Variants in NPIPB2 observed in about 807,000 individuals in gnomAD.
NPIPB2 encodes nuclear pore complex interacting protein family member B2.
NPIPB2 carries 27 observed loss-of-function variants against 30.8 expected under a neutral mutation model. The observed-to-expected ratio is 0.88, with a 90% CI of 0.65 to 1.21. The LOEUF (loss-of-function observed/expected upper bound fraction) is 1.21. Among genes scored for constraint, NPIPB2 ranks in the 50% most tolerant of loss-of-function variants. The pLI is 0.00. For missense variants in NPIPB2, 440 were observed against 446.2 expected (o/e 0.99, Z 0.13); for synonymous variants, 147 against 162.0 (o/e 0.91, Z 0.70).
At chr16:11,945,637 CA>C (rs1038964219), upstream of NPIPB2, among the ~76,000 whole-genome samples, 197 of 151,918 alleles carry the variant, frequency 1.3e-3, no homozygotes, top group African/African-American at 4.6e-3. Flanking sequence ...GAAATCGTGC[CA>C]GTGCAATCCA....
intron 1 of NPIPB2, among the ~76,000 whole-genome samples, chr16:11,948,850 G>A (rs191466166): frequency 6.6e-5 from 10 of 151,622 alleles, no homozygotes; most frequent in East Asian, 3.9e-4. Flanking sequence ...GAAAAAGGCA[G>A]TGATTTGTTG....
At chr16:11,939,139 C>T (rs964433629) in intron 1 of NPIPB2, among the ~76,000 whole-genome samples, 13 of 151,550 alleles carry the variant, frequency 8.6e-5, no homozygotes, top group Non-Finnish European at 1.6e-4. Context: ...TAAAAGAATC[C>T]CTCTAAATAA....
chr16:11,933,822 T>A lies in NPIPB2; in HGVS notation c.292+3A>T. On this transcript the variant is annotated splice_donor_region_variant and intron_variant, in intron 3 of 7. Transcript: ENST00000399147. ...CACTATGGGGACTCCAACAGAGCCA[T>A]ACCTTCCTGTCTACGGCGGTTGGAC... The A allele has an allele frequency of 3.8e-6, 6 of 1,588,878 alleles. No individual in the cohort carries two copies. Among genetic ancestry groups the A allele is most frequent in the Non-Finnish European group, 5.1e-6 (6 of 1,171,810 alleles).
At chr16:11,953,001 T>G (rs1383536713) in intron 1 of NPIPB2, among the ~76,000 whole-genome samples, 1 of 152,164 alleles carries the variant, frequency 6.6e-6, no homozygotes, top group East Asian at 1.9e-4. Flanking sequence ...CCCTGTGGAT[T>G]CTCAAGGTCA....
At chr16:11,968,279 C>A in intron 1 of NPIPB2, among the ~76,000 whole-genome samples, 1 of 152,100 alleles carries the variant, frequency 6.6e-6, no homozygotes, top group East Asian at 1.9e-4. Context: ...GAATTTGAGA[C>A]CAGCCTGGCC....
intron 1 of NPIPB2, chr16:11,967,768 C>T (rs755751031): frequency 5.6e-6 from 9 of 1,614,048 alleles, no homozygotes; most frequent in East Asian, 2.2e-5. Context: ...CTTGTCACCA[C>T]GAAAACGAAT....
chr16:11,942,204 A>G (rs912092568), upstream of NPIPB2: 1 of 769,066 alleles, frequency 1.3e-6, no homozygotes, highest in African/African-American at 1.8e-5. Flanking sequence ...GTTCCAGCAA[A>G]TCTCAATATA....
At chr16:11,930,493 C>T (rs1332842347) in exon 5 of NPIPB2, 4 of 1,585,630 alleles carry the variant, frequency 2.5e-6, no homozygotes, top group Non-Finnish European at 3.4e-6. Context: ...CCATTTTCCT[C>T]TGCCTCTGAC....
chr16:11,933,492 A>G lies in NPIPB2; in HGVS notation c.488+25T>C, dbSNP rs754083427. On this transcript the variant is annotated intron_variant, in intron 4 of 7. Transcript: ENST00000399147. ...TGATTGGCACATGGTTCATACAACA[A>G]TATTTGTGTCAAGGCACATCTTACT... 44 of 1,596,508 alleles carry G rather than the reference A, an allele frequency of 2.8e-5. No individual in the cohort carries two copies. In the South Asian group the frequency reaches 3.3e-4, roughly 12 times the overall value.
At chr16:11,948,315 C>T (rs113290872) in intron 1 of NPIPB2, among the ~76,000 whole-genome samples, 1 of 151,992 alleles carries the variant, frequency 6.6e-6, no homozygotes, top group South Asian at 2.1e-4. Flanking sequence ...CAATGGCTGC[C>T]GATACCACAA....
intron 1 of NPIPB2, chr16:11,976,531 G>C: frequency 2.8e-6 from 1 of 350,978 alleles, no homozygotes. Flanking sequence ...TGGGCACTTG[G>C]GGACAGCGAC....
intron 1 of NPIPB2, chr16:11,967,014 ATTT>A (rs2055199659): frequency 5.3e-6 from 1 of 189,634 alleles, no homozygotes; most frequent in South Asian, 9.3e-5. Context: ...TTATTTATTT[ATTT>A]AGAGATGGAG....
At chr16:11,927,551 T>C in exon 8 of NPIPB2, 2 of 1,604,894 alleles carry the variant, frequency 1.2e-6, no homozygotes, top group Non-Finnish European at 1.7e-6. Flanking sequence ...TCTCCACCTC[T>C]TGGGTTTGGG....
upstream of NPIPB2, among the ~76,000 whole-genome samples, chr16:11,946,385 CAAAAAA>C (rs34318693): frequency 1.4e-5 from 1 of 70,104 alleles, no homozygotes; most frequent in Admixed American, 1.9e-4. Flanking sequence ...AACTCTATCT[CAAAAAA>C]AAAAAAAAAA....
rs2054822922 is a variant in NPIPB2, at chr16:11,933,650, C to G, written c.355G>C (p.Gly119Arg). The G allele has an allele frequency of 1.9e-6, 3 of 1,596,758 alleles. No individual in the cohort carries two copies. In the Admixed American group the frequency reaches 5.0e-5, roughly 27 times the overall value. Residue 119 changes from glycine (G) to arginine (R), a missense_variant, in exon 4 of 8, where the codon GGC (glycine) becomes CGC (arginine). Gly to Arg is a moderately radical substitution (Grantham distance 125). Around this residue, in one of 3 missense-constraint regions of NPIPB2, gnomAD observed 252 missense variants for 233.0 expected, o/e 1.08. Transcript: ENST00000399147. ...CGTAGAGTAATGACGTCTTTCAGGC[C>G]AATTTTATTTCCTGGAAAGGAAGAA...
chr16:11,957,705 G>T (rs1393489601), intron 1 of NPIPB2, among the ~76,000 whole-genome samples: 1 of 152,138 alleles, frequency 6.6e-6, no homozygotes. Flanking sequence ...GAAAAAGAAG[G>T]AATTCAGCCT....
chr16:11,942,692 C>G (rs1354229091), upstream of NPIPB2, among the ~76,000 whole-genome samples: 1 of 151,496 alleles, frequency 6.6e-6, no homozygotes, highest in African/African-American at 2.4e-5. Context: ...GCCCACAATA[C>G]CCAGAGGGCT....
chr16:11,939,055 C>A (rs986077591), intron 1 of NPIPB2, among the ~76,000 whole-genome samples: 1 of 152,008 alleles, frequency 6.6e-6, no homozygotes, highest in Admixed American at 6.6e-5. Context: ...CAGTAGTTAT[C>A]TTTTCTTTAA....
chr16:11,940,711 G>C (rs1459156958), intron 1 of NPIPB2, among the ~76,000 whole-genome samples: 2 of 126,268 alleles, frequency 1.6e-5, no homozygotes, highest in Non-Finnish European at 1.6e-5. Flanking sequence ...AGTGAGCCGA[G>C]ATCTTGCCAC....
Sources: gnomAD v4.1 joint callset for allele counts (sites outside exome capture counted in the v4.1 genomes callset) on GRCh38, gnomAD v4.1.1 for gene constraint, gnomAD v4.1.1 regional missense constraint, MANE v1.5 for transcripts, NCBI Gene and HGNC (gene_info 2026-07-23, HGNC 2026-07-21) for gene names.